GRB2: variants seen among roughly 807,000 people sequenced by gnomAD.
The protein encoded by GRB2 is growth factor receptor-bound protein 2.
A neutral mutation model predicts 27.4 loss-of-function variants in GRB2; 2 were observed. That is an observed-to-expected ratio of 0.07 (90% CI 0.03 to 0.23). The LOEUF (loss-of-function observed/expected upper bound fraction) is 0.23. Among genes scored for constraint, GRB2 ranks in the 10% least tolerant of loss-of-function variants. GRB2 has a pLI of 1.00. For synonymous variants in GRB2, 94 were observed against 99.6 expected, an observed-to-expected ratio of 0.94 and a Z score of 0.33; for missense variants, 102 against 282.4, an observed-to-expected ratio of 0.36 and a Z score of 4.58.
rs542334349 is a variant in GRB2 at position 75,340,285 on chromosome 17, C to T, written c.79-7488G>A. On this transcript the variant is annotated intron_variant, in intron 2 of 5. Coordinates refer to ENST00000316804, the MANE Select transcript of GRB2 (RefSeq NM_002086.5). ...GAATTACATTTTAAAGCTCTTAACA[C>T]GTAAAAAACCAAAAACACCATTTAT... Among the ~76,000 whole-genome samples, 447 of 152,242 alleles carry T rather than the reference C, an allele frequency of 2.9e-3. 1 individual carries two copies. The highest frequency in any genetic ancestry group is 4.6e-3 in the Non-Finnish European group (311 of 68,008).
At chr17:75,393,902 AG>A (rs2079014501) in intron 1 of GRB2, 137 bp from the exon 2 acceptor site, 1 of 378,092 alleles carries the variant, frequency 2.6e-6, no homozygotes, top group South Asian at 3.4e-5. Flanking sequence ...TCCAGGCAAC[AG>A]CCCCCCCCCG....
At chr17:75,396,975 C>T (rs972134423) in intron 1 of GRB2, among the ~76,000 whole-genome samples, 5 of 152,176 alleles carry the variant, frequency 3.3e-5, no homozygotes, top group African/African-American at 9.6e-5. Flanking sequence ...TACTCAACAG[C>T]AGTACAAAAA....
chr17:75,346,355 G>A (rs1598228962), intron 2 of GRB2, among the ~76,000 whole-genome samples: 1 of 151,644 alleles, frequency 6.6e-6, no homozygotes, highest in Admixed American at 6.6e-5. Flanking sequence ...AATTATCTGG[G>A]CACGGTGGCG....
chr17:75,336,892 T>C (rs1276689590), intron 2 of GRB2, among the ~76,000 whole-genome samples: 1 of 152,078 alleles, frequency 6.6e-6, no homozygotes, highest in Non-Finnish European at 1.5e-5. Context: ...CATGCGCCAC[T>C]ATACCCAGCT....
chr17:75,372,542 C>T (rs1024822855), intron 2 of GRB2: 3 of 152,188 alleles, frequency 2.0e-5, no homozygotes, highest in African/African-American at 7.2e-5. Flanking sequence ...AAGTGGAGCA[C>T]AAAATACTTC....
At chr17:75,345,835 G>A (rs573610624) in intron 2 of GRB2, among the ~76,000 whole-genome samples, 24 of 152,210 alleles carry the variant, frequency 1.6e-4, no homozygotes, top group Admixed American at 9.8e-4. Context: ...AACTAGTCTC[G>A]GGGTGGGGGC....
rs1420978030 is a variant in GRB2, at chr17:75,337,633, C to T, written c.79-4836G>A. 2.7e-5 allele frequency among the ~76,000 whole-genome samples: 4 copies of T among 148,616 alleles called. No individual in the cohort carries two copies. The East Asian group carries it at 7.8e-4, about 29-fold the overall frequency. On this transcript the variant is annotated intron_variant, in intron 2 of 5. Transcript: ENST00000316804. Reference sequence around the variant, plus strand: ...TCGCCCAGGCTGGAGTGCAGTGGCACAATCTCGGCTCACTGCAAGGTCCGC... The same window carrying T: ...TCGCCCAGGCTGGAGTGCAGTGGCATAATCTCGGCTCACTGCAAGGTCCGC...
chr17:75,350,957 G>A (rs1277950287), intron 2 of GRB2, among the ~76,000 whole-genome samples: 1 of 152,182 alleles, frequency 6.6e-6, no homozygotes, highest in African/African-American at 2.4e-5. Flanking sequence ...GTCTAGGGGA[G>A]ACCAGGGACA....
In GRB2 at chr17:75,376,520, CA is replaced by C. The variant is rs1001049290; in HGVS notation, c.78+17030del. ...TGGGCAACAGAGGGAGACTCTGTTT[CA>C]AAAAAAAAAAAAAAAGATTAGTGAA... is the stretch of plus-strand genomic sequence containing the variant. On this transcript the variant is annotated intron_variant, in intron 2 of 5. Transcript: ENST00000316804. Among the ~76,000 whole-genome samples, 723 of 124,474 alleles carry C rather than the reference CA, an allele frequency of 5.8e-3. 5 individuals are homozygous for C. The highest frequency in any genetic ancestry group is 0.022 in the African/African-American group (637 of 29,558). The allele number at this position is 124,474 out of a possible 152,430, so 81.7% of individuals were successfully genotyped here.
intron 2 of GRB2, among the ~76,000 whole-genome samples, chr17:75,382,367 TAATA>T (rs1238899255): frequency 6.6e-6 from 1 of 152,222 alleles, no homozygotes; most frequent in Non-Finnish European, 1.5e-5. Context: ...ATGTTACTGC[TAATA>T]ATTAATACAG....
At chr17:75,376,576 T>C (rs114401571) in intron 2 of GRB2, among the ~76,000 whole-genome samples, 2,180 of 150,224 alleles carry the variant, frequency 0.015, 49 homozygotes, top group African/African-American at 0.049. Flanking sequence ...GTCTTGCACA[T>C]AGACATTTTT....
At chr17:75,387,915 C>T (rs1567875167) in intron 2 of GRB2, 1 of 152,160 alleles carries the variant, frequency 6.6e-6, no homozygotes, top group Admixed American at 6.6e-5. Flanking sequence ...TCATTTCTTT[C>T]TCCAAACAGG....
rs146659144 is a variant in GRB2, at chr17:75,353,488, C to T, written c.79-20691G>A. 4.3e-4 allele frequency among the ~76,000 whole-genome samples: 66 copies of T among 151,968 alleles called. 1 individual carries two copies. In the East Asian group the frequency reaches 5.4e-3, roughly 12 times the overall value. On this transcript the variant is annotated intron_variant, in intron 2 of 5. Coordinates refer to ENST00000316804, the MANE Select transcript of GRB2 (RefSeq NM_002086.5). The stretch of plus-strand genomic sequence containing the variant: ...TAAAAAAAAAACCATTTTTACCGGG[C>T]GCGGTGGCTCACACCTGTAATTCCA...
At chr17:75,367,045 A>G (rs2078824423) in intron 2 of GRB2, among the ~76,000 whole-genome samples, 1 of 152,206 alleles carries the variant, frequency 6.6e-6, no homozygotes, top group South Asian at 2.1e-4. Flanking sequence ...ACTCAAATCT[A>G]TCATTTATAG....
In GRB2 at chr17:75,321,758, C is replaced by T. The variant is rs964460921; in HGVS notation, c.369G>A (p.Val123=). Residue 123 remains valine (V), a synonymous_variant, in exon 5 of 6, where the codon GTG becomes GTA. Coordinates refer to ENST00000316804, the MANE Select transcript of GRB2 (RefSeq NM_002086.5). Reference sequence around the variant, plus strand: ...CCAGCTCATTCAAAGAATTGAACTTCACCACCCAGAGGAAGTACTTCCCGG... The same window carrying T: ...CCAGCTCATTCAAAGAATTGAACTTTACCACCCAGAGGAAGTACTTCCCGG... The part of the protein sequence containing the change: ...DGAGKYFLWV[V]KFNSLNELVD... 1 of 1,614,136 alleles carries T rather than the reference C, an allele frequency of 6.2e-7. No homozygotes were observed. The highest frequency in any genetic ancestry group is 8.5e-7 in the Non-Finnish European group (1 of 1,179,976).
chr17:75,404,235 C>G (rs183970965), intron 1 of GRB2, among the ~76,000 whole-genome samples: 5 of 152,114 alleles, frequency 3.3e-5, no homozygotes, highest in African/African-American at 7.2e-5. Context: ...ATAATACAAG[C>G]AAACCACACT....
intron 2 of GRB2, among the ~76,000 whole-genome samples, chr17:75,335,833 A>G (rs960933547): frequency 9.2e-5 from 14 of 152,366 alleles, no homozygotes; most frequent in Admixed American, 6.5e-4. Context: ...AAAAAATCAC[A>G]TCAAAGACTG....
At chr17:75,364,209 A>G (rs1426485775) in intron 2 of GRB2, among the ~76,000 whole-genome samples, 2 of 152,216 alleles carry the variant, frequency 1.3e-5, no homozygotes, top group African/African-American at 4.8e-5. Context: ...TGCCTCTACT[A>G]GTGAACTCAA....
intron 2 of GRB2, chr17:75,338,964 T>C: frequency 8.5e-7 from 1 of 1,173,732 alleles, no homozygotes. Flanking sequence ...GGAAGCAGAG[T>C]GGCTATGGTG....
Sources: allele counts gnomAD v4.1 joint callset (sites outside exome capture counted in the v4.1 genomes callset), GRCh38; gene constraint gnomAD v4.1.1; transcripts MANE v1.5; gene names NCBI Gene and HGNC (gene_info 2026-07-23, HGNC 2026-07-21).